The following CCDC92 variants were observed in gnomAD, a reference collection of about 807,000 sequenced individuals.
The protein encoded by CCDC92 is coiled-coil domain-containing protein 92.
Under a neutral mutation model 24.9 loss-of-function variants are expected in CCDC92, and 12 were observed. The observed-to-expected ratio is 0.48, with a 90% CI of 0.31 to 0.78. The LOEUF (loss-of-function observed/expected upper bound fraction) is 0.78, where lower values mean the gene tolerates loss of function less well. CCDC92 is among the 30% of genes least tolerant of loss of function. CCDC92 has a pLI of 0.05. For synonymous variants in CCDC92, 193 were observed against 196.3 expected, an observed-to-expected ratio of 0.98 and a Z score of 0.14; for missense variants, 399 against 439.4, an observed-to-expected ratio of 0.91 and a Z score of 0.82.
intron 1 of CCDC92, chr12:123,945,368 C>T (rs1309065382): frequency 6.6e-6 from 1 of 152,168 alleles, no homozygotes; most frequent in Non-Finnish European, 1.5e-5. Context: ...GGGCCAGACA[C>T]TAGTTTCTAA....
chr12:123,944,378 G>A lies in CCDC92; in HGVS notation c.-59-14C>T, dbSNP rs375472530. On this transcript the variant is annotated splice_polypyrimidine_tract_variant and intron_variant, in intron 1 of 4. Transcript: ENST00000238156. ...CACTGAAAAATACTGAGGATGAAAT[G>A]TGAGTTATTTGCTTATAAATTATTA... 4 of 1,313,314 alleles carry A rather than the reference G, an allele frequency of 3.0e-6. No individual in the cohort carries two copies. The highest frequency in any genetic ancestry group is 2.8e-5 in the East Asian group (1 of 36,144). The allele number at this position is 1,313,314 out of a possible 1,614,324, so 81.4% of individuals were successfully genotyped here. A position where few individuals can be genotyped will look rare whatever the true frequency, so the allele number is the denominator to read the frequency against.
intron 1 of CCDC92, among the ~76,000 whole-genome samples, chr12:123,970,599 T>A (rs1956504252): frequency 6.6e-6 from 1 of 152,214 alleles, no homozygotes; most frequent in South Asian, 2.1e-4. Context: ...GAAACTTCAA[T>A]CTGACTCAAA....
chr12:123,959,599 G>A (rs1160418492), intron 1 of CCDC92, among the ~76,000 whole-genome samples: 1 of 152,140 alleles, frequency 6.6e-6, no homozygotes, highest in East Asian at 1.9e-4. Flanking sequence ...GCCACCGCAT[G>A]CGGCCTTAGG....
At chr12:123,940,215 G>C (rs1955642361) in intron 4 of CCDC92, among the ~76,000 whole-genome samples, 1 of 152,242 alleles carries the variant, frequency 6.6e-6, no homozygotes, top group Non-Finnish European at 1.5e-5. Context: ...CCTGTCAGAT[G>C]AAGATGCAGG....
Position 123,936,671 on chromosome 12 carries a change from G to A in CCDC92, c.*387C>T, listed in dbSNP as rs139960304. 3.1e-3 allele frequency: 728 copies of A among 232,646 alleles called. 5 individuals carry two copies. Among genetic ancestry groups the A allele is most frequent in the Middle Eastern group, 4.9e-3 (3 of 618 alleles). The allele number at this position is 232,646 out of a possible 1,614,324, so 14.4% of individuals were successfully genotyped here. On this transcript the variant is annotated 3_prime_UTR_variant, in exon 5 of 5. Transcript: ENST00000238156. ...GGGGCTGCTCGGCCAGGCTGCCCTG[G>A]AGCTTGAGGATAAGGTCAAGGTTGG...
intron 1 of CCDC92, chr12:123,971,697 A>G (rs749583746): frequency 7.2e-5 from 11 of 152,256 alleles, no homozygotes; most frequent in Non-Finnish European, 1.6e-4. Context: ...CTTGAAATGA[A>G]ACAATACAGG....
At chr12:123,957,668 C>T (rs1039875317) in intron 1 of CCDC92, among the ~76,000 whole-genome samples, 16 of 149,028 alleles carry the variant, frequency 1.1e-4, no homozygotes, top group Non-Finnish European at 2.2e-4. Context: ...ACCAGGCTTA[C>T]GGATGATCAC....
In CCDC92 at chr12:123,963,902, G is replaced by A. The variant is rs151239486; in HGVS notation, c.-60+8627C>T. Among the ~76,000 whole-genome samples, 181 of 152,252 alleles carry A rather than the reference G, an allele frequency of 1.2e-3. 2 individuals carry two copies. The highest frequency in any genetic ancestry group is 7.7e-3 in the Admixed American group (118 of 15,288). ...TGTTTTTAAGGACTTCACTAAATAC[G>A]TAAACTTTACAAGAATTTTAGACTC... On this transcript the variant is annotated intron_variant, in intron 1 of 4. Transcript: ENST00000238156.
intron 1 of CCDC92, among the ~76,000 whole-genome samples, chr12:123,954,512 G>A (rs1956104861): frequency 6.6e-6 from 1 of 152,216 alleles, no homozygotes; most frequent in Non-Finnish European, 1.5e-5. Context: ...TGGGAAGGCT[G>A]CAGTCACTGG....
At position 123,967,392 on chromosome 12, in the gene CCDC92, CCATCTTTCTT is replaced by C. The variant is rs549285299; in HGVS notation, c.-60+5127_-60+5136del. Among the ~76,000 whole-genome samples the C allele has an allele frequency of 2.6e-5, 4 of 152,324 alleles. No individual in the cohort carries two copies. The South Asian group carries it at 8.3e-4, about 32-fold the overall frequency. On this transcript the variant is annotated intron_variant, in intron 1 of 4. Transcript: ENST00000238156. ...CTGAGCGAAAAACTCCAACCTTTCTCCATCTTTCTTATCAATGTGCAAGATTTGGCTATTT... is the reference window on the plus strand; with the variant it reads ...CTGAGCGAAAAACTCCAACCTTTCTCATCAATGTGCAAGATTTGGCTATTT...
chr12:123,966,306 C>T (rs1043880590), intron 1 of CCDC92: 4 of 152,180 alleles, frequency 2.6e-5, no homozygotes, highest in African/African-American at 9.7e-5. Context: ...GCTGGATTCC[C>T]TACCTATAAA....
rs1267506269 is a variant in CCDC92 at position 123,936,171 on chromosome 12, G to C, written c.*887C>G. 6.6e-6 allele frequency: 1 copy of C among 152,660 alleles called. No individual in the cohort carries two copies. The highest frequency in any genetic ancestry group is 2.4e-5 in the African/African-American group (1 of 41,446). The allele number at this position is 152,660 out of a possible 1,614,324, so 9.5% of individuals were successfully genotyped here. A position where few individuals can be genotyped will look rare whatever the true frequency, so the allele number is the denominator to read the frequency against. On this transcript the variant is annotated 3_prime_UTR_variant, in exon 5 of 5. Coordinates refer to ENST00000238156, the MANE Select transcript of CCDC92 (RefSeq NM_025140.3). Reference sequence around the variant, plus strand: ...CCCTGGCTGGCCACCTGGAGGTGAGGGGTGGCTTCACTCCATGAGGGAGGA... The same window carrying C: ...CCCTGGCTGGCCACCTGGAGGTGAGCGGTGGCTTCACTCCATGAGGGAGGA...
intron 1 of CCDC92, among the ~76,000 whole-genome samples, chr12:123,953,558 C>CA (rs1956078588): frequency 6.6e-6 from 1 of 152,180 alleles, no homozygotes; most frequent in Non-Finnish European, 1.5e-5. Flanking sequence ...GCTGGTAGAT[C>CA]ACGAGGTCAG....
intron 1 of CCDC92, among the ~76,000 whole-genome samples, chr12:123,952,028 G>A (rs867579855): frequency 2.0e-5 from 3 of 152,178 alleles, no homozygotes; most frequent in Non-Finnish European, 2.9e-5. Flanking sequence ...ATATCAGACC[G>A]TACTTGGGGC....
intron 1 of CCDC92, chr12:123,971,939 G>T (rs1956555776): frequency 6.6e-6 from 1 of 152,326 alleles, no homozygotes; most frequent in South Asian, 2.1e-4. Context: ...GTCAGGGAGG[G>T]TCTCTAAGGT....
At chr12:123,940,954 G>C (rs1955665257) in intron 4 of CCDC92, among the ~76,000 whole-genome samples, 2 of 122,014 alleles carry the variant, frequency 1.6e-5, no homozygotes. Flanking sequence ...TTTTGAAACT[G>C]CCTCCCCTAA....
At chr12:123,938,309 C>T (rs1398446857) in intron 4 of CCDC92, among the ~76,000 whole-genome samples, 1 of 152,040 alleles carries the variant, frequency 6.6e-6, no homozygotes, top group Non-Finnish European at 1.5e-5. Flanking sequence ...TTTGCTCTGC[C>T]GCTGGCCGCC....
intron 1 of CCDC92, among the ~76,000 whole-genome samples, chr12:123,948,249 C>A (rs1033160082): frequency 6.6e-6 from 1 of 152,186 alleles, no homozygotes; most frequent in African/African-American, 2.4e-5. Flanking sequence ...CGCTCTCCCA[C>A]GGGGGCAGAG....
chr12:123,944,898 G>A (rs1955798836), intron 1 of CCDC92: 1 of 152,200 alleles, frequency 6.6e-6, no homozygotes, highest in African/African-American at 2.4e-5. Context: ...GACACGGCAA[G>A]TACAGTCTCG....
Sources: allele counts gnomAD v4.1 joint callset (sites outside exome capture counted in the v4.1 genomes callset), GRCh38; gene constraint gnomAD v4.1.1; transcripts MANE v1.5; gene names NCBI Gene and HGNC (gene_info 2026-07-23, HGNC 2026-07-21).